The following DNAJC12 variants were observed in gnomAD, a reference collection of about 807,000 sequenced individuals.
DNAJC12 encodes dnaJ homolog subfamily C member 12.
A neutral mutation model predicts 28.5 loss-of-function variants in DNAJC12; 25 were observed. The observed-to-expected ratio is 0.88, with a 90% CI of 0.64 to 1.22. The LOEUF is 1.22. DNAJC12 is among the 50% of genes most tolerant of loss of function. The probability of loss-of-function intolerance (pLI) is 0.00; values close to 1 mark genes in which losing one functional copy is unlikely to be tolerated. For synonymous variants in DNAJC12, 77 were observed against 80.6 expected (o/e 0.95, Z 0.24); for missense variants, 222 against 231.7 (o/e 0.96, Z 0.27).
rs1049876982 is a variant in DNAJC12 at position 67,825,679 on chromosome 10, G to A, written c.79-2287C>T. ...AATTATCAGTTCCGTGTCATCCTTA[G>A]TCAACTCTCATAAGGAATGTCTTCA... is the stretch of plus-strand genomic sequence containing the variant. On this transcript the variant is annotated intron_variant, in intron 1 of 4. Transcript: ENST00000225171. The A allele has an allele frequency of 2.0e-5, 3 of 152,306 alleles. No homozygotes were observed. In the East Asian group the frequency reaches 5.8e-4, roughly 29 times the overall value. The allele number at this position is 152,306 out of a possible 1,614,324, so 9.4% of individuals were successfully genotyped here.
At chr10:67,798,819 G>T (rs1032949091) in intron 4 of DNAJC12, among the ~76,000 whole-genome samples, 3 of 148,170 alleles carry the variant, frequency 2.0e-5, no homozygotes, top group African/African-American at 7.5e-5. Flanking sequence ...AGGCTGGAGT[G>T]CAATGGCGCG....
rs995168946 is a variant in DNAJC12 at position 67,811,759 on chromosome 10, A to G, written c.158-96T>C. The G allele has an allele frequency of 2.6e-6, 4 of 1,510,848 alleles. No homozygotes were observed. The African/African-American group carries it at 5.6e-5, about 21-fold the overall frequency. The allele number at this position is 1,510,848 out of a possible 1,614,324, so 93.6% of individuals were successfully genotyped here. A position where few individuals can be genotyped will look rare whatever the true frequency, so the allele number is the denominator to read the frequency against. ...TGCTCTTACTAAAACCATGACTGCC[A>G]CTTAATAGCTATGTGACCTTGGGCC... On this transcript the variant is annotated intron_variant, in intron 2 of 4. Coordinates refer to ENST00000225171, the MANE Select transcript of DNAJC12 (RefSeq NM_021800.3).
intron 4 of DNAJC12, among the ~76,000 whole-genome samples, chr10:67,805,241 C>T (rs1564858097): frequency 6.6e-6 from 1 of 151,842 alleles, no homozygotes; most frequent in African/African-American, 2.4e-5. Flanking sequence ...GCCTCACAAG[C>T]TTGTAGTGAG....
At chr10:67,815,457 G>A (rs917033785) in intron 2 of DNAJC12, among the ~76,000 whole-genome samples, 7 of 139,320 alleles carry the variant, frequency 5.0e-5, no homozygotes, top group Admixed American at 7.7e-5. Context: ...TCGGTGAGCC[G>A]TGATCACACC....
chr10:67,824,113 GTAA>G (rs1191565175), intron 1 of DNAJC12, among the ~76,000 whole-genome samples: 1 of 151,826 alleles, frequency 6.6e-6, no homozygotes, highest in Non-Finnish European at 1.5e-5. Flanking sequence ...GCAGGCACCT[GTAA>G]TCCCAGCTAC....
chr10:67,814,225 T>A (rs1237222447), intron 2 of DNAJC12, among the ~76,000 whole-genome samples: 1 of 152,100 alleles, frequency 6.6e-6, no homozygotes, highest in Non-Finnish European at 1.5e-5. Context: ...GTCAATTGAT[T>A]TCAACAAGAG....
chr10:67,813,261 G>A (rs935417152), intron 2 of DNAJC12, among the ~76,000 whole-genome samples: 39 of 151,636 alleles, frequency 2.6e-4, no homozygotes, highest in African/African-American at 9.2e-4. Flanking sequence ...TATTTGGGAG[G>A]CTGAGGCAGA....
intron 4 of DNAJC12, 143 bp from the exon 5 acceptor site, chr10:67,797,353 A>G: frequency 1.6e-6 from 1 of 619,316 alleles, no homozygotes; most frequent in South Asian, 2.2e-5. Flanking sequence ...AACATCTTAG[A>G]GAAATGGATT....
At chr10:67,822,021 T>C (rs1841986217) in intron 2 of DNAJC12, among the ~76,000 whole-genome samples, 1 of 152,096 alleles carries the variant, frequency 6.6e-6, no homozygotes, top group African/African-American at 2.4e-5. Context: ...TGTTTCCAAA[T>C]GGAAATTTCC....
intron 1 of DNAJC12, among the ~76,000 whole-genome samples, chr10:67,829,891 T>C (rs955182286): frequency 6.6e-6 from 1 of 152,016 alleles, no homozygotes; most frequent in African/African-American, 2.4e-5. Context: ...AAAGGTAAGA[T>C]ATGTGCAATA....
intron 1 of DNAJC12, chr10:67,833,848 T>C: frequency 2.0e-6 from 1 of 494,118 alleles, no homozygotes; most frequent in Non-Finnish European, 4.2e-6. Flanking sequence ...ATGGAGCACA[T>C]GGAGCCTCAA....
intron 1 of DNAJC12, among the ~76,000 whole-genome samples, chr10:67,828,301 A>G (rs186573361): frequency 6.6e-6 from 1 of 152,146 alleles, no homozygotes; most frequent in African/African-American, 2.4e-5. Flanking sequence ...GTGTGTATCT[A>G]TCTCTCTATA....
chr10:67,826,754 T>A (rs181427197), intron 1 of DNAJC12, among the ~76,000 whole-genome samples: 3 of 85,850 alleles, frequency 3.5e-5, no homozygotes, highest in Admixed American at 1.6e-4. Context: ...TATATCATTA[T>A]ATATCTGATA....
At chr10:67,821,282 C>A (rs1026009535) in intron 2 of DNAJC12, among the ~76,000 whole-genome samples, 2 of 151,924 alleles carry the variant, frequency 1.3e-5, no homozygotes, top group Non-Finnish European at 2.9e-5. Flanking sequence ...TTTGGGAGGC[C>A]AAGGCGGGCA....
At chr10:67,810,340 T>C (rs763440040) in intron 3 of DNAJC12, among the ~76,000 whole-genome samples, 6 of 152,124 alleles carry the variant, frequency 3.9e-5, no homozygotes, top group Non-Finnish European at 5.9e-5. Context: ...TCAACACTTG[T>C]ACCCCAAAAG....
At chr10:67,822,972 G>A (rs1841994918) in intron 2 of DNAJC12, among the ~76,000 whole-genome samples, 1 of 151,722 alleles carries the variant, frequency 6.6e-6, no homozygotes, top group Non-Finnish European at 1.5e-5. Context: ...TCCAGCCTGG[G>A]CGACAGAGAC....
At chr10:67,817,233 G>A (rs1841925187) in intron 2 of DNAJC12, among the ~76,000 whole-genome samples, 1 of 152,124 alleles carries the variant, frequency 6.6e-6, no homozygotes, top group Non-Finnish European at 1.5e-5. Context: ...AATCTTCACA[G>A]CAGATGCATG....
intron 4 of DNAJC12, among the ~76,000 whole-genome samples, chr10:67,803,562 A>G (rs1444261811): frequency 6.6e-6 from 1 of 152,200 alleles, no homozygotes; most frequent in Non-Finnish European, 1.5e-5. Context: ...AAAGAAGGAA[A>G]ATTTCGTAGA....
rs544614930 is a variant in DNAJC12, at chr10:67,798,433, A to G, written c.503-1223T>C. Reference sequence around the variant, plus strand: ...GGTGGCTCACGCTTGTAATCCTAGCACTTTGGGAGGCCGAGGCAGGTGCCT... The same window carrying G: ...GGTGGCTCACGCTTGTAATCCTAGCGCTTTGGGAGGCCGAGGCAGGTGCCT... On this transcript the variant is annotated intron_variant, in intron 4 of 4. Transcript: ENST00000225171. 2.6e-5 allele frequency among the ~76,000 whole-genome samples: 4 copies of G among 152,214 alleles called. No individual in the cohort carries two copies. The South Asian group carries it at 8.3e-4, about 32-fold the overall frequency.
Sources: gnomAD v4.1 joint callset for allele counts (sites outside exome capture counted in the v4.1 genomes callset) on GRCh38, gnomAD v4.1.1 for gene constraint, MANE v1.5 for transcripts, NCBI Gene and HGNC (gene_info 2026-07-23, HGNC 2026-07-21) for gene names.